ACTR2: variants seen among roughly 807,000 people sequenced by gnomAD.
ACTR2 encodes actin related protein 2.
Under a neutral mutation model 50.2 loss-of-function variants are expected in ACTR2, and 5 were observed. The observed-to-expected ratio is 0.10, with a 90% CI of 0.05 to 0.21. The LOEUF is 0.21. Ranked by LOEUF, ACTR2 falls within the 10% of genes least tolerant of loss-of-function variation. The pLI, the probability that ACTR2 is intolerant of heterozygous loss-of-function variation, is 1.00. For synonymous variants in ACTR2, 140 were observed against 162.9 expected (o/e 0.86, Z 1.07); for missense variants, 180 against 480.6 (o/e 0.37, Z 5.85).
intron 8 of ACTR2, among the ~76,000 whole-genome samples, chr2:65,265,758 GT>G (rs1367930405): frequency 6.6e-6 from 1 of 152,060 alleles, no homozygotes; most frequent in South Asian, 2.1e-4. Flanking sequence ...AGGTTTTTGT[GT>G]TTTTTCCACC....
Position 65,259,336 on chromosome 2 carries a change from C to T in ACTR2, c.736-1911C>T, listed in dbSNP as rs547184999. On this transcript the variant is annotated intron_variant, in intron 6 of 8. Coordinates refer to ENST00000260641, the MANE Select transcript of ACTR2 (RefSeq NM_005722.4). ...ACTTGGGAGGCTGAGGTGGGAGAATCCCTTGAATCTGGGAGATTGAGGCTG... is the reference window on the plus strand; with the variant it reads ...ACTTGGGAGGCTGAGGTGGGAGAATTCCTTGAATCTGGGAGATTGAGGCTG... Among the ~76,000 whole-genome samples the T allele has an allele frequency of 3.1e-4, 47 of 152,134 alleles. No individual in the cohort carries two copies. The East Asian group carries it at 6.4e-3, about 21-fold the overall frequency.
chr2:65,268,171 A>G (rs185229405), intron 8 of ACTR2, among the ~76,000 whole-genome samples: 1 of 152,186 alleles, frequency 6.6e-6, no homozygotes, highest in Non-Finnish European at 1.5e-5. Flanking sequence ...CTTGACAGCA[A>G]AGTGACTTTC....
chr2:65,238,627 C>G (rs530720719), intron 1 of ACTR2, among the ~76,000 whole-genome samples: 2 of 145,586 alleles, frequency 1.4e-5, no homozygotes, highest in Admixed American at 1.4e-4. Flanking sequence ...CCACTGCACT[C>G]CACCCTGGGC....
rs775919693 is a variant in ACTR2 at position 65,268,761 on chromosome 2, C to T, written c.*27C>T. The T allele has an allele frequency of 5.8e-5, 93 of 1,597,810 alleles. No homozygotes were observed. The South Asian group carries it at 6.1e-4, about 10-fold the overall frequency. ...CTCCAAAGCTTGTTCCCGTCATACCCGTAATGCTTTCTTTTTTCCTTTATT... is the reference window on the plus strand; with the variant it reads ...CTCCAAAGCTTGTTCCCGTCATACCTGTAATGCTTTCTTTTTTCCTTTATT... On this transcript the variant is annotated 3_prime_UTR_variant, in exon 9 of 9. Coordinates refer to ENST00000260641, the MANE Select transcript of ACTR2 (RefSeq NM_005722.4).
At position 65,268,931 on chromosome 2, in the gene ACTR2, T is replaced by C; in HGVS notation, c.*197T>C. 1 of 560,404 alleles carries C rather than the reference T, an allele frequency of 1.8e-6. No homozygotes were observed. Among genetic ancestry groups the C allele is most frequent in the East Asian group, 3.2e-5 (1 of 31,352 alleles). The allele number at this position is 560,404 out of a possible 1,614,324, so 34.7% of individuals were successfully genotyped here. ...TGGGTAAATCTGAGTTTAATTCAACTGCTTCCCTACATAGACTAGAGGGCT... is the reference window on the plus strand; with the variant it reads ...TGGGTAAATCTGAGTTTAATTCAACCGCTTCCCTACATAGACTAGAGGGCT... On this transcript the variant is annotated 3_prime_UTR_variant, in exon 9 of 9. Coordinates refer to ENST00000260641, the MANE Select transcript of ACTR2 (RefSeq NM_005722.4).
At chr2:65,236,415 G>A (rs990983134) in intron 1 of ACTR2, among the ~76,000 whole-genome samples, 36 of 151,928 alleles carry the variant, frequency 2.4e-4, no homozygotes, top group African/African-American at 8.2e-4. Flanking sequence ...GTTCATCAGC[G>A]TCATCTCCAA....
chr2:65,269,954 G>C lies in ACTR2; in HGVS notation c.*1220G>C, dbSNP rs986451644. 2 of 152,110 alleles carry C rather than the reference G, an allele frequency of 1.3e-5. No homozygotes were observed. Among genetic ancestry groups the C allele is most frequent in the Non-Finnish European group, 2.9e-5 (2 of 68,020 alleles). 9.4% of individuals were successfully genotyped at this position (152,110 alleles called of 1,614,324 possible). A position where few individuals can be genotyped will look rare whatever the true frequency, so the allele number is the denominator to read the frequency against. ...TTGTACTGAAAAACTAATCATAACTGTTAATTCTCAGCCATCTTTGAAGCT... is the reference window on the plus strand; with the variant it reads ...TTGTACTGAAAAACTAATCATAACTCTTAATTCTCAGCCATCTTTGAAGCT... On this transcript the variant is annotated 3_prime_UTR_variant, in exon 9 of 9. Coordinates refer to ENST00000260641, the MANE Select transcript of ACTR2 (RefSeq NM_005722.4).
At chr2:65,228,428 A>C (rs994819310) in intron 1 of ACTR2, 1 of 63,490 alleles carries the variant, frequency 1.6e-5, no homozygotes, top group Admixed American at 1.2e-4. Flanking sequence ...GGTTTACTTA[A>C]AAAAAAAAAA....
chr2:65,264,973 G>A (rs1386606074), intron 7 of ACTR2, 70 bp from the exon 8 acceptor site: 4 of 1,565,504 alleles, frequency 2.6e-6, no homozygotes, highest in Non-Finnish European at 3.5e-6. Context: ...GCTGACATAA[G>A]TAACAGTAAC....
chr2:65,267,433 T>C (rs1672394094), intron 8 of ACTR2, among the ~76,000 whole-genome samples: 1 of 152,242 alleles, frequency 6.6e-6, no homozygotes, highest in South Asian at 2.1e-4. Flanking sequence ...CTTGGATTGT[T>C]AGAACCCTTA....
At chr2:65,249,844 G>A (rs531320689) in intron 3 of ACTR2, among the ~76,000 whole-genome samples, 1 of 152,220 alleles carries the variant, frequency 6.6e-6, no homozygotes, top group Admixed American at 6.5e-5. Flanking sequence ...GATTCAAGTA[G>A]GGACTGGGCT....
intron 3 of ACTR2, among the ~76,000 whole-genome samples, chr2:65,247,405 A>G (rs268857): frequency 0.85 from 129,637 of 151,914 alleles, 55,435 homozygotes; most frequent in African/African-American, 0.89. Context: ...TGGCTAACAC[A>G]GTGAAACTCC....
intron 1 of ACTR2, among the ~76,000 whole-genome samples, chr2:65,232,025 G>T (rs192441955): frequency 3.3e-5 from 5 of 152,226 alleles, no homozygotes; most frequent in Admixed American, 6.5e-5. Context: ...AGCTTGACCA[G>T]TGTCTCAGTA....
intron 2 of ACTR2, chr2:65,242,012 C>T: frequency 1.3e-6 from 2 of 1,598,760 alleles, no homozygotes; most frequent in South Asian, 1.1e-5. Flanking sequence ...TTACTTCTAC[C>T]TTCTCTCTCT....
At chr2:65,252,727 G>GAGA (rs1672077125) in intron 4 of ACTR2, among the ~76,000 whole-genome samples, 1 of 152,172 alleles carries the variant, frequency 6.6e-6, no homozygotes, top group Admixed American at 6.5e-5. Context: ...CCAGCACTTT[G>GAGA]AGAAGCCAAG....
chr2:65,250,692 A>AG (rs1672031624), intron 3 of ACTR2, among the ~76,000 whole-genome samples: 1 of 151,104 alleles, frequency 6.6e-6, no homozygotes, highest in South Asian at 2.1e-4. Context: ...AAAAAAAAAA[A>AG]AGAATTTCCC....
intron 2 of ACTR2, among the ~76,000 whole-genome samples, chr2:65,244,941 CAAA>C (rs35780666): frequency 9.1e-5 from 7 of 77,070 alleles, no homozygotes; most frequent in Admixed American, 1.6e-4. Context: ...GACCCCATCT[CAAA>C]AAAAAAAAAA....
At position 65,268,658 on chromosome 2, in the gene ACTR2, A is replaced by G; in HGVS notation, c.1109A>G (p.Asn370Ser). The change falls in exon 9 of 9, where the codon AAC becomes AGC. Residue 370 changes from asparagine (N) to serine (S), a missense_variant. By Grantham distance (46) the Asn-to-Ser change is conservative. Transcript: ENST00000260641. ...GCGGATATCATGAAAGACAAAGACA[A>G]CTTTTGGATGACCCGACAAGAGTAC... ...VLADIMKDKD[N>S]FWMTRQEYQE... 2 of 1,614,056 alleles carry G rather than the reference A, an allele frequency of 1.2e-6. No individual in the cohort carries two copies.
intron 8 of ACTR2, among the ~76,000 whole-genome samples, chr2:65,267,370 G>A (rs1265798940): frequency 1.3e-5 from 2 of 152,092 alleles, no homozygotes; most frequent in Non-Finnish European, 2.9e-5. Flanking sequence ...GAAAGTAAAA[G>A]GAACAATTAA....
Sources: allele counts gnomAD v4.1 joint callset (sites outside exome capture counted in the v4.1 genomes callset), GRCh38; gene constraint gnomAD v4.1.1; transcripts MANE v1.5; gene names NCBI Gene and HGNC (gene_info 2026-07-23, HGNC 2026-07-21).